QRICH1: variants seen among roughly 807,000 people sequenced by gnomAD.
QRICH1 encodes the protein glutamine rich 1, also known as transcriptional regulator QRICH1.
Under a neutral mutation model 87.1 loss-of-function variants are expected in QRICH1, and 16 were observed. That is an observed-to-expected ratio of 0.18 (90% CI 0.12 to 0.28). The LOEUF (loss-of-function observed/expected upper bound fraction) is 0.28, where lower values mean the gene tolerates loss of function less well. Ranked by LOEUF, QRICH1 falls within the 10% of genes least tolerant of loss-of-function variation. QRICH1 has a pLI of 1.00. For missense variants in QRICH1, 647 were observed against 951.7 expected, an observed-to-expected ratio of 0.68 and a Z score of 4.21; for synonymous variants, 367 against 368.4, an observed-to-expected ratio of 1.00 and a Z score of 0.05.
chr3:49,050,959 C>A (rs1035248482), intron 3 of QRICH1, among the ~76,000 whole-genome samples: 3 of 152,208 alleles, frequency 2.0e-5, no homozygotes, highest in African/African-American at 7.2e-5. Context: ...AGCAACCCAT[C>A]TTTCCCCCAC....
At chr3:49,058,251 G>T (rs2093414876) in intron 2 of QRICH1, among the ~76,000 whole-genome samples, 1 of 152,046 alleles carries the variant, frequency 6.6e-6, no homozygotes, top group South Asian at 2.1e-4. Context: ...CTGGGATCAA[G>T]CGATTCTCCT....
intron 1 of QRICH1, among the ~76,000 whole-genome samples, chr3:49,083,884 C>G (rs796577415): frequency 1.3e-5 from 2 of 151,460 alleles, no homozygotes; most frequent in Non-Finnish European, 2.9e-5. Context: ...ACTGCAACCT[C>G]CGTGCCCCCC....
chr3:49,067,627 A>T (rs1361237895), intron 2 of QRICH1, among the ~76,000 whole-genome samples: 2 of 151,948 alleles, frequency 1.3e-5, no homozygotes, highest in Non-Finnish European at 2.9e-5. Flanking sequence ...CAATTTTTTT[A>T]ATTTATATAA....
chr3:49,062,363 G>A, intron 2 of QRICH1, among the ~76,000 whole-genome samples: 1 of 148,778 alleles, frequency 6.7e-6, no homozygotes, highest in East Asian at 2.0e-4. Flanking sequence ...GAAAAAATTG[G>A]TGTAGTCGCT....
chr3:49,093,783 G>C (rs1375070945), intron 1 of QRICH1, 129 bp downstream of exon 1: 2 of 349,020 alleles, frequency 5.7e-6, no homozygotes, highest in Non-Finnish European at 1.0e-5. Context: ...TTTCGGCTCC[G>C]GAGCCGCCCC....
At position 49,069,107 on chromosome 3, in the gene QRICH1, ATT is replaced by A. The variant is rs57230454; in HGVS notation, c.309+7600_309+7601del. Among the ~76,000 whole-genome samples the A allele has an allele frequency of 2.0e-3, 242 of 124,024 alleles. 2 individuals carry two copies. Among genetic ancestry groups the A allele is most frequent in the South Asian group, 7.0e-3 (27 of 3,830 alleles). 81.4% of individuals were successfully genotyped at this position (124,024 alleles called of 152,430 possible). On this transcript the variant is annotated intron_variant, in intron 2 of 9. Transcript: ENST00000395443. The stretch of plus-strand genomic sequence containing the variant: ...ATTTATTATTATTATTATTATTATT[ATT>A]TTTTTTTTTTTTTTGAGATAGTCTT...
chr3:49,049,479 A>C (rs1335756350), intron 3 of QRICH1, among the ~76,000 whole-genome samples: 1 of 152,028 alleles, frequency 6.6e-6, no homozygotes, highest in Non-Finnish European at 1.5e-5. Context: ...TGTTTGAATA[A>C]TGTTAAAATA....
intron 2 of QRICH1, among the ~76,000 whole-genome samples, chr3:49,074,716 T>C (rs1473113791): frequency 1.3e-5 from 2 of 151,446 alleles, no homozygotes; most frequent in African/African-American, 2.4e-5. Context: ...CAGTGGCTCA[T>C]GCCTGTAATC....
intron 5 of QRICH1, 101 bp downstream of exon 5, chr3:49,046,324 T>C (rs1001401596): frequency 1.4e-5 from 18 of 1,277,864 alleles, no homozygotes; most frequent in South Asian, 1.4e-4. Context: ...GAAAGAGAAC[T>C]TCCTTATTTT....
Position 49,050,248 on chromosome 3 carries a change from CAA to C in QRICH1, c.1339-3004_1339-3003del, listed in dbSNP as rs527597101. 1.4e-3 allele frequency among the ~76,000 whole-genome samples: 75 copies of C among 52,412 alleles called. 1 individual carries two copies. Among genetic ancestry groups the C allele is most frequent in the Middle Eastern group, 0.013 (1 of 78 alleles). The allele number at this position is 52,412 out of a possible 152,430, so 34.4% of individuals were successfully genotyped here. On this transcript the variant is annotated intron_variant, in intron 3 of 9. Coordinates refer to ENST00000395443, the MANE Select transcript of QRICH1 (RefSeq NM_198880.3). ...TGGGCTAAAGAGCGGGACTCCGTCT[CAA>C]AAAAAAAAAAAAAAAAAAAAAAATT...
At chr3:49,083,931 A>G (rs983726210) in intron 1 of QRICH1, among the ~76,000 whole-genome samples, 2 of 151,324 alleles carry the variant, frequency 1.3e-5, no homozygotes, top group Admixed American at 6.6e-5. Flanking sequence ...CCTCCCGAGT[A>G]GCTAGGATTA....
chr3:49,065,251 TCTC>T (rs2093461092), intron 2 of QRICH1, among the ~76,000 whole-genome samples: 2 of 151,870 alleles, frequency 1.3e-5, no homozygotes, highest in African/African-American at 2.4e-5. Flanking sequence ...TTCAAGCAAT[TCTC>T]CTGCCTCAGC....
chr3:49,037,710 C>T (rs574428671), intron 6 of QRICH1, among the ~76,000 whole-genome samples: 3 of 147,190 alleles, frequency 2.0e-5, no homozygotes, highest in Non-Finnish European at 3.0e-5. Context: ...CCAACGTGGG[C>T]AAGAGAGAGA....
chr3:49,041,063 G>A (rs2093306910), intron 6 of QRICH1, among the ~76,000 whole-genome samples: 1 of 152,048 alleles, frequency 6.6e-6, no homozygotes, highest in South Asian at 2.1e-4. Context: ...CACCTCCTGG[G>A]TTCAAGTGAT....
At chr3:49,072,894 T>C (rs2041870091) in intron 2 of QRICH1, among the ~76,000 whole-genome samples, 1 of 151,080 alleles carries the variant, frequency 6.6e-6, no homozygotes, top group African/African-American at 2.4e-5. Flanking sequence ...ATGAAAAAAT[T>C]AGCTGGGCAT....
Position 49,077,007 on chromosome 3 carries a change from G to GA in QRICH1, c.10dup (p.Ser4PhefsTer9). ...TTCAAAGGAGATGGTGTTCTCTAGG[G>GA]AATTATTCATATTGCAGAGTCCTTA... is the stretch of plus-strand genomic sequence containing the variant. On this transcript the variant is annotated frameshift_variant, in exon 2 of 10. Transcript: ENST00000395443. LOFTEE classifies it high-confidence loss of function. 6.8e-7 allele frequency: 1 copy of GA among 1,480,120 alleles called. No individual in the cohort carries two copies. Among genetic ancestry groups the GA allele is most frequent in the Non-Finnish European group, 9.1e-7 (1 of 1,104,022 alleles). 91.7% of individuals were successfully genotyped at this position (1,480,120 alleles called of 1,614,324 possible). A position where few individuals can be genotyped will look rare whatever the true frequency, so the allele number is the denominator to read the frequency against.
At chr3:49,031,497 G>A (rs1323789884) in intron 9 of QRICH1, among the ~76,000 whole-genome samples, 1 of 152,154 alleles carries the variant, frequency 6.6e-6, no homozygotes, top group Non-Finnish European at 1.5e-5. Context: ...AAATGGGCAG[G>A]AAAAGTATTT....
intron 3 of QRICH1, among the ~76,000 whole-genome samples, chr3:49,048,202 G>A (rs1301007185): frequency 6.6e-6 from 1 of 150,842 alleles, no homozygotes; most frequent in African/African-American, 2.4e-5. Context: ...GCAGGATCTC[G>A]GCTCACCTCA....
In QRICH1 at chr3:49,059,885, CTT is replaced by C. The variant is rs560174243; in HGVS notation, c.310-1997_310-1996del. On this transcript the variant is annotated intron_variant, in intron 2 of 9. Transcript: ENST00000395443. ...TGTGCCTGCCATCACATCCAGCTAA[CTT>C]TTTTTTTTTTTTTTTGAGACGGAGT... Among the ~76,000 whole-genome samples, 25 of 139,624 alleles carry C rather than the reference CTT, an allele frequency of 1.8e-4. No individual in the cohort carries two copies. The East Asian group carries it at 2.5e-3, about 14-fold the overall frequency. The allele number at this position is 139,624 out of a possible 152,430, so 91.6% of individuals were successfully genotyped here.
Sources: allele counts gnomAD v4.1 joint callset (sites outside exome capture counted in the v4.1 genomes callset), GRCh38; gene constraint gnomAD v4.1.1; transcripts MANE v1.5; gene names NCBI Gene and HGNC (gene_info 2026-07-23, HGNC 2026-07-21).